The following TGFA variants were observed in gnomAD, a reference collection of about 807,000 sequenced individuals.
The protein encoded by TGFA is protransforming growth factor alpha.
In TGFA, 12 loss-of-function variants were observed where a neutral mutation model predicts 21.7. The observed-to-expected ratio is 0.55, with a 90% CI of 0.35 to 0.90. TGFA has a LOEUF of 0.90. Ranked by LOEUF, TGFA falls within the 40% of genes least tolerant of loss-of-function variation. The probability of loss-of-function intolerance (pLI) is 0.01; values close to 1 mark genes in which losing one functional copy is unlikely to be tolerated. For synonymous variants in TGFA, 79 were observed against 88.1 expected (o/e 0.90, Z 0.58); for missense variants, 178 against 210.8 (o/e 0.84, Z 0.96).
chr2:70,476,107 A>AAAG (rs1386534318), intron 2 of TGFA, among the ~76,000 whole-genome samples: 17 of 140,582 alleles, frequency 1.2e-4, no homozygotes, highest in African/African-American at 4.6e-4. Flanking sequence ...AAAAAAAAAA[A>AAAG]TTAAGAAAAT....
intron 5 of TGFA, among the ~76,000 whole-genome samples, chr2:70,451,376 G>C (rs1368643871): frequency 6.6e-6 from 1 of 152,220 alleles, no homozygotes; most frequent in African/African-American, 2.4e-5. Flanking sequence ...GCCTGGACAT[G>C]TCTCTAGGTC....
At chr2:70,518,423 T>C (rs1359769650) in intron 1 of TGFA, among the ~76,000 whole-genome samples, 2 of 152,198 alleles carry the variant, frequency 1.3e-5, no homozygotes, top group Admixed American at 6.5e-5. Flanking sequence ...AGGACAAGTG[T>C]TGCCATGCTT....
chr2:70,492,751 A>G (rs1188396684), intron 2 of TGFA, among the ~76,000 whole-genome samples: 1 of 152,214 alleles, frequency 6.6e-6, no homozygotes, highest in African/African-American at 2.4e-5. Flanking sequence ...CCATTTCACA[A>G]CTTTTCCAAA....
intron 4 of TGFA, among the ~76,000 whole-genome samples, chr2:70,453,743 G>A (rs1574064821): frequency 6.6e-6 from 1 of 152,184 alleles, no homozygotes; most frequent in Non-Finnish European, 1.5e-5. Context: ...GGGCTGTGAG[G>A]GTTTAGGAAG....
chr2:70,452,653 G>A (rs555611320), intron 5 of TGFA, among the ~76,000 whole-genome samples: 12 of 152,224 alleles, frequency 7.9e-5, no homozygotes, highest in African/African-American at 2.9e-4. Context: ...TAAGAAAACC[G>A]AGGGTAAGCC....
At chr2:70,546,874 A>C (rs1396027572) in intron 1 of TGFA, among the ~76,000 whole-genome samples, 2 of 152,200 alleles carry the variant, frequency 1.3e-5, no homozygotes, top group African/African-American at 4.8e-5. Flanking sequence ...TTTAATAGCT[A>C]AATCTTTTAA....
intron 1 of TGFA, among the ~76,000 whole-genome samples, chr2:70,542,232 C>T (rs1282836728): frequency 6.6e-6 from 1 of 152,090 alleles, no homozygotes; most frequent in African/African-American, 2.4e-5. Flanking sequence ...TAATTGCAAA[C>T]ACCTTGTTTA....
intron 1 of TGFA, among the ~76,000 whole-genome samples, chr2:70,552,656 G>A (rs1673547905): frequency 6.6e-6 from 1 of 152,164 alleles, no homozygotes; most frequent in African/African-American, 2.4e-5. Flanking sequence ...GCTTGCAGGC[G>A]GGGCCGCGAA....
intron 1 of TGFA, among the ~76,000 whole-genome samples, chr2:70,522,815 C>A (rs1553502502): frequency 2.6e-5 from 4 of 152,324 alleles, no homozygotes; most frequent in African/African-American, 7.2e-5. Flanking sequence ...CACTTGAATC[C>A]TGACATTCAT....
chr2:70,503,997 G>C (rs1281272775), intron 2 of TGFA, among the ~76,000 whole-genome samples: 1 of 152,162 alleles, frequency 6.6e-6, no homozygotes, highest in Non-Finnish European at 1.5e-5. Context: ...TTCACGAAAA[G>C]ACTCTTTTAG....
intron 4 of TGFA, among the ~76,000 whole-genome samples, chr2:70,453,716 G>A (rs1360189311): frequency 6.6e-6 from 1 of 152,192 alleles, no homozygotes; most frequent in Non-Finnish European, 1.5e-5. Flanking sequence ...GGATAAAGTG[G>A]CCACCTCCAG....
At chr2:70,521,613 G>GTGTTTTTTTT (rs532266930) in intron 1 of TGFA, among the ~76,000 whole-genome samples, 3 of 74,052 alleles carry the variant, frequency 4.1e-5, no homozygotes, top group African/African-American at 1.3e-4. Context: ...GTTGTTGTTT[G>GTGTTTTTTTT]TTTGTTTTTT....
At chr2:70,484,760 T>C (rs1671222591) in intron 2 of TGFA, among the ~76,000 whole-genome samples, 1 of 152,200 alleles carries the variant, frequency 6.6e-6, no homozygotes. Context: ...CCTGGAGTCA[T>C]CTGGGTTACT....
intron 1 of TGFA, among the ~76,000 whole-genome samples, chr2:70,521,609 G>GTTGTTTTTTTTTTT (rs1432347684): frequency 1.8e-4 from 14 of 78,892 alleles, no homozygotes; most frequent in South Asian, 9.7e-4. Context: ...TTTTGTTGTT[G>GTTGTTTTTTTTTTT]TTTGTTTGTT....
At chr2:70,494,574 T>C (rs1390982981) in intron 2 of TGFA, among the ~76,000 whole-genome samples, 1 of 152,220 alleles carries the variant, frequency 6.6e-6, no homozygotes, top group African/African-American at 2.4e-5. Flanking sequence ...AGCCTTATGA[T>C]AAGTATTACC....
At chr2:70,533,718 C>T (rs545957839) in intron 1 of TGFA, among the ~76,000 whole-genome samples, 1 of 152,178 alleles carries the variant, frequency 6.6e-6, no homozygotes, top group Admixed American at 6.5e-5. Flanking sequence ...CAACTTTTGT[C>T]GAGGAGAAGG....
chr2:70,553,246 G>T (rs1226904984), intron 1 of TGFA: 2 of 1,536,178 alleles, frequency 1.3e-6, no homozygotes, highest in Non-Finnish European at 1.7e-6. Flanking sequence ...GAACATCTCT[G>T]CTCGTCGCTG....
In TGFA at chr2:70,456,621, T is replaced by C. The variant is rs2278791; in HGVS notation, c.216-133A>G. The C allele has an allele frequency of 0.29, 324,773 of 1,117,922 alleles. 48,932 individuals are homozygous for C. The highest frequency in any genetic ancestry group is 0.39 in the African/African-American group (24,590 of 63,238). The allele number at this position is 1,117,922 out of a possible 1,614,324, so 69.3% of individuals were successfully genotyped here. On this transcript the variant is annotated intron_variant, in intron 3 of 5. Transcript: ENST00000295400. ...AAAGGGGCCCTGCCAGCTTTTGCAA[T>C]TGGAGGGAAAGGTGTCAGCAAAATG...
chr2:70,460,120 G>T (rs1670366066), intron 3 of TGFA, among the ~76,000 whole-genome samples: 1 of 152,142 alleles, frequency 6.6e-6, no homozygotes, highest in Non-Finnish European at 1.5e-5. Context: ...TTTTAACAGA[G>T]AAACCAACGT....
Sources: gnomAD v4.1 joint callset for allele counts (sites outside exome capture counted in the v4.1 genomes callset) on GRCh38, gnomAD v4.1.1 for gene constraint, MANE v1.5 for transcripts, NCBI Gene and HGNC (gene_info 2026-07-23, HGNC 2026-07-21) for gene names.